The following WSCD2 variants were observed in gnomAD, a reference collection of about 807,000 sequenced individuals.
The protein encoded by WSCD2 is sialate:O-sulfotransferase 2.
In WSCD2, 28 loss-of-function variants were observed where a neutral mutation model predicts 55.7. The observed-to-expected ratio is 0.50, with a 90% CI of 0.37 to 0.69. The LOEUF (loss-of-function observed/expected upper bound fraction) is 0.69. Among genes scored for constraint, WSCD2 ranks in the 30% least tolerant of loss-of-function variants. WSCD2 has a pLI of 0.00. For missense variants in WSCD2, 616 were observed against 762.1 expected (o/e 0.81, Z 2.26); for synonymous variants, 301 against 301.9 (o/e 1.00, Z 0.03).
chr12:108,179,191 TG>T (rs1881322853), intron 1 of WSCD2, among the ~76,000 whole-genome samples: 1 of 149,950 alleles, frequency 6.7e-6, no homozygotes, highest in African/African-American at 2.5e-5. Flanking sequence ...CAACATCGCC[TG>T]GAAGCCTGTT....
Position 108,196,012 on chromosome 12 carries a change from G to C in WSCD2, c.180G>C (p.Glu60Asp). The part of the protein sequence containing the change: ...ANPAAAGGPA[E>D]GAELSFLGDM... ...CCGCTGCTGCAGGAGGCCCAGCTGA[G>C]GGTGCTGAGCTGTCCTTCTTGGGTG... The change falls in exon 2 of 9, where the codon GAG becomes GAC. Residue 60 changes from glutamate to aspartate, a missense_variant. Glu to Asp is a conservative substitution (Grantham distance 45, BLOSUM62 2). Transcript: ENST00000547525. 34 of 1,614,258 alleles carry C rather than the reference G, an allele frequency of 2.1e-5. No individual in the cohort carries two copies. Among genetic ancestry groups the C allele is most frequent in the Non-Finnish European group, 2.6e-5 (31 of 1,180,052 alleles).
chr12:108,137,630 C>T (rs1258129717), intron 1 of WSCD2, among the ~76,000 whole-genome samples: 1 of 152,202 alleles, frequency 6.6e-6, no homozygotes, highest in Non-Finnish European at 1.5e-5. Flanking sequence ...AACCTCATCC[C>T]GTAACTTCTG....
At chr12:108,203,749 C>T (rs1884994998) in intron 2 of WSCD2, among the ~76,000 whole-genome samples, 1 of 152,218 alleles carries the variant, frequency 6.6e-6, no homozygotes, top group East Asian at 1.9e-4. Context: ...TGTGCCTATC[C>T]TTACCCTAAG....
chr12:108,224,960 G>GTCGGA, intron 5 of WSCD2, 100 bp downstream of exon 5: 1 of 1,500,616 alleles, frequency 6.7e-7, no homozygotes, highest in Non-Finnish European at 8.9e-7. Context: ...GCTCAGTCGG[G>GTCGGA]ATAGATGTAG....
At chr12:108,227,310 CT>C in intron 6 of WSCD2, 146 bp downstream of exon 6, 1 of 967,312 alleles carries the variant, frequency 1.0e-6, no homozygotes, top group Non-Finnish European at 1.5e-6. Flanking sequence ...CTCCACCAGG[CT>C]TAGAGTTCCT....
chr12:108,228,812 A>C (rs1888416316), intron 6 of WSCD2, among the ~76,000 whole-genome samples: 1 of 152,196 alleles, frequency 6.6e-6, no homozygotes, highest in Non-Finnish European at 1.5e-5. Flanking sequence ...ATGGTAGCTA[A>C]AGTCCTTCTG....
chr12:108,136,952 T>C (rs960367483), intron 1 of WSCD2, among the ~76,000 whole-genome samples: 2 of 152,192 alleles, frequency 1.3e-5, no homozygotes, highest in African/African-American at 2.4e-5. Flanking sequence ...ACTGAATGGC[T>C]GGAGGGTCCC....
chr12:108,193,608 G>GATGT (rs1883485806), intron 1 of WSCD2, among the ~76,000 whole-genome samples: 1 of 151,454 alleles, frequency 6.6e-6, no homozygotes, highest in South Asian at 2.1e-4. Flanking sequence ...TGGATGGATG[G>GATGT]ATGGATGGAT....
intron 1 of WSCD2, among the ~76,000 whole-genome samples, chr12:108,171,138 G>C (rs1880199794): frequency 6.6e-6 from 1 of 152,244 alleles, no homozygotes; most frequent in East Asian, 1.9e-4. Context: ...GGCTGGTGGT[G>C]CTTCTTGACT....
rs1877755597 is a variant in WSCD2 at position 108,149,601 on chromosome 12, C to T, written c.-552+19675C>T. Among the ~76,000 whole-genome samples, 3 of 152,142 alleles carry T rather than the reference C, an allele frequency of 2.0e-5. No homozygotes were observed. In the South Asian group the frequency reaches 6.2e-4, roughly 32 times the overall value. ...AGGCAGGGGGATGCTCTCTGGAGGC[C>T]AGAGTATTTTATTCACCACTACATA... is the stretch of plus-strand genomic sequence containing the variant. On this transcript the variant is annotated intron_variant, in intron 1 of 8. Transcript: ENST00000547525.
intron 4 of WSCD2, among the ~76,000 whole-genome samples, chr12:108,211,237 G>A (rs1370796070): frequency 6.6e-6 from 1 of 152,184 alleles, no homozygotes; most frequent in Non-Finnish European, 1.5e-5. Context: ...GGGGGGTGCT[G>A]ACCTTTCTGG....
At chr12:108,240,925 G>T (rs2137231810) in intron 8 of WSCD2, among the ~76,000 whole-genome samples, 1 of 152,296 alleles carries the variant, frequency 6.6e-6, no homozygotes, top group African/African-American at 2.4e-5. Context: ...AAACTGTGAG[G>T]CTTTAAGAAT....
rs200240420 is a variant in WSCD2 at position 108,146,262 on chromosome 12, G to T, written c.-552+16336G>T. Among the ~76,000 whole-genome samples, 312 of 152,322 alleles carry T rather than the reference G, an allele frequency of 2.0e-3. 1 individual carries two copies. Among genetic ancestry groups the T allele is most frequent in the African/African-American group, 7.2e-3 (299 of 41,568 alleles). ...CCATCCACCAGGACCATCATTGGTTGGGCTTTATGCACAGAGAGCATCCTC... is the reference window on the plus strand; with the variant it reads ...CCATCCACCAGGACCATCATTGGTTTGGCTTTATGCACAGAGAGCATCCTC... On this transcript the variant is annotated intron_variant, in intron 1 of 8. Coordinates refer to ENST00000547525, the MANE Select transcript of WSCD2 (RefSeq NM_014653.4).
chr12:108,203,671 C>A (rs565927644), intron 2 of WSCD2, among the ~76,000 whole-genome samples: 1 of 152,220 alleles, frequency 6.6e-6, no homozygotes, highest in Non-Finnish European at 1.5e-5. Context: ...CCACATACAT[C>A]TTTACTCCCA....
In WSCD2 at chr12:108,143,437, C is replaced by G. The variant is rs189326555; in HGVS notation, c.-552+13511C>G. On this transcript the variant is annotated intron_variant, in intron 1 of 8. Transcript: ENST00000547525. ...CAATAGCTGGGGAGGGGGTGGGCCC[C>G]CAGTGGAAAATCAGAACCTAGTTAA... 3.4e-4 allele frequency among the ~76,000 whole-genome samples: 51 copies of G among 152,190 alleles called. 1 individual carries two copies. The highest frequency in any genetic ancestry group is 3.3e-3 in the Admixed American group (50 of 15,282).
intron 1 of WSCD2, among the ~76,000 whole-genome samples, chr12:108,147,033 G>C (rs553618228): frequency 3.3e-5 from 5 of 152,302 alleles, no homozygotes; most frequent in South Asian, 2.1e-4. Flanking sequence ...TATATAATGA[G>C]AGTGACCAAC....
At chr12:108,141,528 G>A (rs915554683) in intron 1 of WSCD2, among the ~76,000 whole-genome samples, 6 of 152,160 alleles carry the variant, frequency 3.9e-5, no homozygotes, top group African/African-American at 1.4e-4. Context: ...AGCATTGGAG[G>A]GCTGCCCATA....
Position 108,178,063 on chromosome 12 carries a change from C to T in WSCD2, c.-551-17219C>T, listed in dbSNP as rs1881135031. Among the ~76,000 whole-genome samples the T allele has an allele frequency of 1.3e-5, 2 of 152,070 alleles. 1 individual carries two copies. Among genetic ancestry groups the T allele is most frequent in the South Asian group, 4.2e-4 (2 of 4,818 alleles). ...GTTTGCTAGGGTTGCTGTAACAAAA[C>T]ACCACATGCTGAGTAGCTTAAACAA... On this transcript the variant is annotated intron_variant, in intron 1 of 8. Coordinates refer to ENST00000547525, the MANE Select transcript of WSCD2 (RefSeq NM_014653.4).
intron 4 of WSCD2, among the ~76,000 whole-genome samples, chr12:108,218,796 A>G (rs1887137445): frequency 6.6e-6 from 1 of 152,044 alleles, no homozygotes; most frequent in Non-Finnish European, 1.5e-5. Flanking sequence ...CTGTGATGCA[A>G]ACAACCGGGA....
Sources: allele counts gnomAD v4.1 joint callset (sites outside exome capture counted in the v4.1 genomes callset), GRCh38; gene constraint gnomAD v4.1.1; transcripts MANE v1.5; gene names NCBI Gene and HGNC (gene_info 2026-07-23, HGNC 2026-07-21).